Variants in RFXAP observed in about 807,000 individuals in gnomAD.
The protein encoded by RFXAP is regulatory factor X-associated protein.
A neutral mutation model predicts 25.7 loss-of-function variants in RFXAP; 21 were observed. The observed-to-expected ratio is 0.82, with a 90% CI of 0.58 to 1.18. The LOEUF (loss-of-function observed/expected upper bound fraction) is 1.18, where lower values mean the gene tolerates loss of function less well. Among genes scored for constraint, RFXAP ranks in the 50% most tolerant of loss-of-function variants. RFXAP has a pLI of 0.00. For missense variants in RFXAP, 333 were observed against 363.0 expected (o/e 0.92, Z 0.67); for synonymous variants, 161 against 152.2 (o/e 1.06, Z -0.43).
rs746214566 is a variant in RFXAP at position 36,825,469 on chromosome 13, A to G, written c.642A>G (p.Thr214=). The change falls in exon 2 of 3, where the codon ACA becomes ACG. Residue 214 remains threonine (T), a synonymous_variant. Transcript: ENST00000255476. ...TACTCTCCATTGTTAAACAAAGAAC[A>G]GGATCTTTTGGGGATCGTCCTGCAA... ...DNILSIVKQR[T]GSFGDRPARP... The G allele has an allele frequency of 6.2e-7, 1 of 1,613,154 alleles. No homozygotes were observed. Among genetic ancestry groups the G allele is most frequent in the South Asian group, 1.1e-5 (1 of 91,070 alleles).
Position 36,819,943 on chromosome 13 carries a change from A to G in RFXAP, c.586A>G (p.Asn196Asp). 3 of 1,613,856 alleles carry G rather than the reference A, an allele frequency of 1.9e-6. No individual in the cohort carries two copies. The highest frequency in any genetic ancestry group is 2.5e-6 in the Non-Finnish European group (3 of 1,179,928). ...GGTASTGSAG[N>D]VKLEESADNI... ...GACTGCCTCGACTGGCAGCGCGGGA[A>G]ACGTCAAACTCGAGGTATCAGACTT... Residue 196 changes from asparagine to aspartate, a missense_variant, in exon 1 of 3, where the codon AAC becomes GAC. Coordinates refer to ENST00000255476, the MANE Select transcript of RFXAP (RefSeq NM_000538.4).
chr13:36,823,528 A>C (rs2057969435), intron 1 of RFXAP, among the ~76,000 whole-genome samples: 2 of 152,144 alleles, frequency 1.3e-5, no homozygotes, highest in Non-Finnish European at 2.9e-5. Context: ...TAAAGTTGAG[A>C]GCCTATAGAT....
chr13:36,826,511 G>A (rs2057978395), intron 2 of RFXAP, among the ~76,000 whole-genome samples: 1 of 152,058 alleles, frequency 6.6e-6, no homozygotes, highest in African/African-American at 2.4e-5. Flanking sequence ...AAAGCAGTTG[G>A]GCAATATGTA....
chr13:36,819,894 C>T lies in RFXAP; in HGVS notation c.537C>T (p.Ser179=), dbSNP rs1330674585. 1.2e-6 allele frequency: 2 copies of T among 1,613,394 alleles called. No individual in the cohort carries two copies. The highest frequency in any genetic ancestry group is 1.7e-5 in the Admixed American group (1 of 59,886). The change falls in exon 1 of 3, where the codon AGC becomes AGT. Residue 179 remains serine, a synonymous_variant. Coordinates refer to ENST00000255476, the MANE Select transcript of RFXAP (RefSeq NM_000538.4). ...MYKDKYKKKK[S]DQALNCGGTA... is the part of the protein sequence containing the mutation. ...AGGACAAGTATAAAAAGAAGAAGAG[C>T]GACCAGGCCCTGAACTGCGGTGGGA...
At position 36,819,393 on chromosome 13, in the gene RFXAP, G is replaced by T; in HGVS notation, c.36G>T (p.Pro12=). 2 of 1,300,670 alleles carry T rather than the reference G, an allele frequency of 1.5e-6. No individual in the cohort carries two copies. Among genetic ancestry groups the T allele is most frequent in the African/African-American group, 3.1e-5 (2 of 64,700 alleles). 80.6% of individuals were successfully genotyped at this position (1,300,670 alleles called of 1,614,324 possible). Residue 12 remains proline (P), a synonymous_variant, in exon 1 of 3, where the codon CCG becomes CCT. Transcript: ENST00000255476. ...AGGGTGTAGCGGAGGGCGCGGGGCC[G>T]GGCGCCGCCAGCGGCGTGCCCCACC... ...EAQGVAEGAG[P]GAASGVPHPA...
intron 2 of RFXAP, among the ~76,000 whole-genome samples, chr13:36,826,463 G>GTAGTTAA (rs2057978275): frequency 6.6e-6 from 1 of 152,296 alleles, no homozygotes; most frequent in Non-Finnish European, 1.5e-5. Flanking sequence ...ACATTCTCAA[G>GTAGTTAA]TAGTTAATGG....
In RFXAP at chr13:36,819,758, G is replaced by A. The variant is rs530562598; in HGVS notation, c.401G>A (p.Gly134Glu). The A allele has an allele frequency of 5.9e-5, 92 of 1,557,214 alleles. No homozygotes were observed. Among genetic ancestry groups the A allele is most frequent in the Non-Finnish European group, 7.5e-5 (86 of 1,150,010 alleles). ...GGCGCCCGGAGGCGGGGCAGCGGTG[G>A]GGGCAGCATGAGCAAGACCTGCACC... ...SGGARRRGSG[G>E]GSMSKTCTYE... Residue 134 changes from glycine (G) to glutamate (E), a missense_variant, in exon 1 of 3, where the codon GGG becomes GAG. Gly to Glu is a moderately conservative substitution (Grantham distance 98, BLOSUM62 -2). Transcript: ENST00000255476.
chr13:36,824,904 T>C (rs2057973186), intron 1 of RFXAP, among the ~76,000 whole-genome samples: 2 of 152,194 alleles, frequency 1.3e-5, no homozygotes, highest in Non-Finnish European at 1.5e-5. Context: ...AACAATATTT[T>C]ACTACTCCCC....
At position 36,827,735 on chromosome 13, in the gene RFXAP, T is replaced by C. The variant is rs536976297; in HGVS notation, c.801T>C (p.Phe267=). Residue 267 remains phenylalanine, a synonymous_variant, in exon 3 of 3, where the codon TTT becomes TTC. Transcript: ENST00000255476. ...TTTTGGAGCAAAGACAACAGCAGTT[T>C]CCAGGAACATCAATGTGAGGGAACT... ...QQVLEQRQQQ[F]PGTSM 28 of 1,613,432 alleles carry C rather than the reference T, an allele frequency of 1.7e-5. No individual in the cohort carries two copies. In the South Asian group the frequency reaches 2.7e-4, roughly 16 times the overall value.
chr13:36,825,323 G>A (rs545696539), intron 1 of RFXAP, 105 bp from the exon 2 acceptor site: 2 of 858,906 alleles, frequency 2.3e-6, no homozygotes, highest in Non-Finnish European at 3.8e-6. Context: ...TGGGCAAGAA[G>A]AAGGAAGAAA....
Position 36,819,734 on chromosome 13 carries a change from G to T in RFXAP, c.377G>T (p.Gly126Val). The change falls in exon 1 of 3, where the codon GGC becomes GTC. Residue 126 changes from glycine to valine, a missense_variant. By Grantham distance (109) the Gly-to-Val change is moderately radical (BLOSUM62 -3). Coordinates refer to ENST00000255476, the MANE Select transcript of RFXAP (RefSeq NM_000538.4). Reference sequence around the variant, plus strand: ...TCGGGGGGCGAGGGCAGCAGCGGGGGCGCCCGGAGGCGGGGCAGCGGTGGG... The same window carrying T: ...TCGGGGGGCGAGGGCAGCAGCGGGGTCGCCCGGAGGCGGGGCAGCGGTGGG... ...THSGGEGSSG[G>V]ARRRGSGGGS... The T allele has an allele frequency of 6.4e-7, 1 of 1,551,660 alleles. No homozygotes were observed. Among genetic ancestry groups the T allele is most frequent in the Non-Finnish European group, 8.7e-7 (1 of 1,147,348 alleles).
chr13:36,824,436 G>T (rs1566320173), intron 1 of RFXAP, among the ~76,000 whole-genome samples: 1 of 151,964 alleles, frequency 6.6e-6, no homozygotes, highest in Non-Finnish European at 1.5e-5. Flanking sequence ...GAAATTAAGG[G>T]GATATTCTCA....
At chr13:36,824,524 G>A (rs1377530599) in intron 1 of RFXAP, among the ~76,000 whole-genome samples, 6 of 152,052 alleles carry the variant, frequency 3.9e-5, no homozygotes, top group African/African-American at 1.4e-4. Context: ...AGAACAAAGA[G>A]GTTAAATTCA....
rs1182969665 is a variant in RFXAP at position 36,819,537 on chromosome 13, C to T, written c.180C>T (p.Ala60=). The T allele has an allele frequency of 3.3e-6, 5 of 1,524,328 alleles. No homozygotes were observed. Among genetic ancestry groups the T allele is most frequent in the Non-Finnish European group, 4.4e-6 (5 of 1,133,928 alleles). 94.4% of individuals were successfully genotyped at this position (1,524,328 alleles called of 1,614,324 possible). The change falls in exon 1 of 3, where the codon GCC becomes GCT. Residue 60 remains alanine, a synonymous_variant. Transcript: ENST00000255476. ...GTGCTGGGCAGGACGAGGCTGCGGC[C>T]CCCGGGGGCAGCGTTGGGGCGGGCA... is the stretch of plus-strand genomic sequence containing the variant. The part of the protein sequence containing the change: ...QPCAGQDEAA[A]PGGSVGAGKP...
At chr13:36,823,937 A>G (rs1455219782) in intron 1 of RFXAP, among the ~76,000 whole-genome samples, 1 of 152,204 alleles carries the variant, frequency 6.6e-6, no homozygotes, top group East Asian at 1.9e-4. Context: ...AGGAGTATGT[A>G]TTTCAGCTCA....
At chr13:36,826,231 C>T (rs2057977549) in intron 2 of RFXAP, among the ~76,000 whole-genome samples, 1 of 152,096 alleles carries the variant, frequency 6.6e-6, no homozygotes, top group African/African-American at 2.4e-5. Flanking sequence ...TTGACAGCTT[C>T]AGTCTTAACT....
At chr13:36,823,216 T>G (rs1363897615) in intron 1 of RFXAP, among the ~76,000 whole-genome samples, 1 of 152,238 alleles carries the variant, frequency 6.6e-6, no homozygotes, top group Non-Finnish European at 1.5e-5. Flanking sequence ...ATTCTAGAGC[T>G]TTCACTTTTA....
intron 2 of RFXAP, among the ~76,000 whole-genome samples, chr13:36,826,588 T>G (rs2057978639): frequency 6.6e-6 from 1 of 152,224 alleles, no homozygotes; most frequent in African/African-American, 2.4e-5. Context: ...ATGTAAATCC[T>G]AAATATGGAT....
intron 1 of RFXAP, 34 bp downstream of exon 1, chr13:36,819,991 G>A: frequency 6.2e-7 from 1 of 1,609,336 alleles, no homozygotes; most frequent in Non-Finnish European, 8.5e-7. Context: ...GGGATGGGAG[G>A]TGGAAGAAGA....
Sources: allele counts gnomAD v4.1 joint callset (sites outside exome capture counted in the v4.1 genomes callset), GRCh38; gene constraint gnomAD v4.1.1; transcripts MANE v1.5; gene names NCBI Gene and HGNC (gene_info 2026-07-23, HGNC 2026-07-21).